Variants in R3HCC1L observed in about 807,000 individuals in gnomAD.
R3HCC1L encodes the protein coiled-coil domain-containing protein R3HCC1L.
A neutral mutation model predicts 59.9 loss-of-function variants in R3HCC1L; 51 were observed. The ratio of observed to expected loss-of-function variants is 0.85; its 90% CI spans 0.68 to 1.07. R3HCC1L has a LOEUF of 1.07. Ranked by LOEUF, R3HCC1L falls within the 50% of genes least tolerant of loss-of-function variation. The pLI is 0.00. For missense variants in R3HCC1L, 965 were observed against 933.0 expected, an observed-to-expected ratio of 1.03 and a Z score of -0.45; for synonymous variants, 322 against 315.2, an observed-to-expected ratio of 1.02 and a Z score of -0.23.
rs1448672893 is a variant in R3HCC1L at position 98,209,915 on chromosome 10, A to G, written c.1785+16A>G. The G allele has an allele frequency of 1.3e-6, 2 of 1,576,924 alleles. No homozygotes were observed. Among genetic ancestry groups the G allele is most frequent in the Admixed American group, 3.5e-5 (2 of 57,724 alleles). On this transcript the variant is annotated intron_variant, in intron 5 of 9. Coordinates refer to ENST00000298999, the MANE Select transcript of R3HCC1L (RefSeq NM_001351015.2). Reference sequence around the variant, plus strand: ...TCTACAAGAGGTATGTTTAATTGAAATTGCTTGATGCTTAGTTAGTTTATA... The same window carrying G: ...TCTACAAGAGGTATGTTTAATTGAAGTTGCTTGATGCTTAGTTAGTTTATA...
chr10:98,220,856 T>C (rs1343169400), intron 5 of R3HCC1L, among the ~76,000 whole-genome samples: 1 of 147,652 alleles, frequency 6.8e-6, no homozygotes, highest in Non-Finnish European at 1.5e-5. Context: ...CATGTGTCTT[T>C]ATAGCAGCAT....
At chr10:98,182,813 G>C (rs927637885) in intron 4 of R3HCC1L, among the ~76,000 whole-genome samples, 1 of 152,190 alleles carries the variant, frequency 6.6e-6, no homozygotes, top group Non-Finnish European at 1.5e-5. Flanking sequence ...CTAGTGGTGA[G>C]CAAGGCTCCG....
intron 2 of R3HCC1L, among the ~76,000 whole-genome samples, chr10:98,157,283 A>G (rs886496535): frequency 3.9e-5 from 6 of 152,164 alleles, no homozygotes; most frequent in Non-Finnish European, 8.8e-5. Flanking sequence ...ACCTTTCAGT[A>G]TAGAACAGTT....
chr10:98,232,015 A>G (rs1402615926), intron 6 of R3HCC1L, among the ~76,000 whole-genome samples: 3 of 152,062 alleles, frequency 2.0e-5, no homozygotes, highest in Non-Finnish European at 4.4e-5. Context: ...TGCCATCTTT[A>G]TGTGTTTATT....
intron 4 of R3HCC1L, among the ~76,000 whole-genome samples, chr10:98,201,991 T>C (rs1346099340): frequency 6.6e-6 from 1 of 151,912 alleles, no homozygotes; most frequent in African/African-American, 2.4e-5. Context: ...AGCCTTGAAC[T>C]CGTGGCCTCA....
At chr10:98,137,224 T>C (rs1308161584) in intron 1 of R3HCC1L, among the ~76,000 whole-genome samples, 2 of 152,082 alleles carry the variant, frequency 1.3e-5, no homozygotes, top group Non-Finnish European at 2.9e-5. Flanking sequence ...AAAAAAAAAG[T>C]TTGTAAGCAT....
chr10:98,234,873 C>T (rs1168305049), intron 7 of R3HCC1L, among the ~76,000 whole-genome samples: 31 of 151,934 alleles, frequency 2.0e-4, no homozygotes, highest in Admixed American at 2.0e-3. Context: ...AGCCCTTTAA[C>T]CTGTCTAGTG....
intron 4 of R3HCC1L, among the ~76,000 whole-genome samples, chr10:98,183,636 TCTC>T (rs2134643327): frequency 6.6e-6 from 1 of 152,284 alleles, no homozygotes; most frequent in South Asian, 2.1e-4. Flanking sequence ...GATGTTCTCT[TCTC>T]TGTTTTTCAT....
intron 4 of R3HCC1L, among the ~76,000 whole-genome samples, chr10:98,170,066 T>A (rs2134329692): frequency 6.6e-6 from 1 of 152,248 alleles, no homozygotes; most frequent in South Asian, 2.1e-4. Flanking sequence ...TTAGTGTGGA[T>A]AATATATTTG....
chr10:98,221,456 T>C (rs1437243703), intron 5 of R3HCC1L, among the ~76,000 whole-genome samples: 3 of 151,508 alleles, frequency 2.0e-5, no homozygotes, highest in Non-Finnish European at 4.4e-5. Context: ...TCCTTGCCCA[T>C]GCCTATGTCC....
At chr10:98,147,165 G>T (rs937500605) in intron 1 of R3HCC1L, among the ~76,000 whole-genome samples, 6 of 152,082 alleles carry the variant, frequency 3.9e-5, no homozygotes, top group African/African-American at 1.4e-4. Context: ...AAATAGTGAT[G>T]TTGAACATTT....
intron 5 of R3HCC1L, among the ~76,000 whole-genome samples, chr10:98,215,905 G>A (rs537966791): frequency 3.2e-4 from 49 of 152,286 alleles, no homozygotes; most frequent in African/African-American, 1.1e-3. Flanking sequence ...TCGCCAAATT[G>A]GAGTAAATTG....
At chr10:98,217,454 C>T (rs1258097590) in intron 5 of R3HCC1L, among the ~76,000 whole-genome samples, 2 of 152,052 alleles carry the variant, frequency 1.3e-5, no homozygotes, top group African/African-American at 4.8e-5. Flanking sequence ...AGTGTGATAC[C>T]TCCAGATTTA....
At chr10:98,201,628 T>G (rs1461393760) in intron 4 of R3HCC1L, among the ~76,000 whole-genome samples, 37 of 152,236 alleles carry the variant, frequency 2.4e-4, no homozygotes, top group Admixed American at 2.4e-3. Context: ...ACACCTGAGA[T>G]GCATTAGTCA....
At chr10:98,151,950 T>TCTCTTTCCACGGTCTCCCTCGCC (rs1486746962) in intron 1 of R3HCC1L, among the ~76,000 whole-genome samples, 10 of 151,998 alleles carry the variant, frequency 6.6e-5, no homozygotes, top group African/African-American at 1.7e-4. Context: ...TCCCTCTCCC[T>TCTCTTTCCACGGTCTCCCTCGCC]CTCTTTCCAC....
intron 4 of R3HCC1L, among the ~76,000 whole-genome samples, chr10:98,205,705 A>G (rs1051698524): frequency 6.6e-6 from 1 of 152,192 alleles, no homozygotes; most frequent in South Asian, 2.1e-4. Flanking sequence ...TTTCAGCTAT[A>G]GGAAATAGTA....
intron 4 of R3HCC1L, among the ~76,000 whole-genome samples, chr10:98,180,124 C>T (rs182116589): frequency 5.9e-5 from 9 of 152,130 alleles, no homozygotes; most frequent in Non-Finnish European, 1.0e-4. Context: ...GCTCTTGCTT[C>T]TCTAGTTCTT....
At chr10:98,243,490 T>C (rs1306535347) in intron 9 of R3HCC1L, among the ~76,000 whole-genome samples, 1 of 152,264 alleles carries the variant, frequency 6.6e-6, no homozygotes, top group African/African-American at 2.4e-5. Context: ...CAGATTTGTA[T>C]ATTTTTTGTT....
At chr10:98,175,145 T>A (rs897618855) in intron 4 of R3HCC1L, among the ~76,000 whole-genome samples, 1 of 152,102 alleles carries the variant, frequency 6.6e-6, no homozygotes, top group African/African-American at 2.4e-5. Flanking sequence ...GACTATGGCC[T>A]CAAGATTTAA....
Sources: allele counts gnomAD v4.1 joint callset (sites outside exome capture counted in the v4.1 genomes callset), GRCh38; gene constraint gnomAD v4.1.1; transcripts MANE v1.5; gene names NCBI Gene and HGNC (gene_info 2026-07-23, HGNC 2026-07-21).